PSG2: variants seen among roughly 807,000 people sequenced by gnomAD.
PSG2 encodes pregnancy specific beta-1-glycoprotein 2.
In PSG2, 49 loss-of-function variants were observed where a neutral mutation model predicts 36.2. The ratio of observed to expected loss-of-function variants is 1.35; its 90% CI spans 1.08 to 1.72. The LOEUF is 1.72. Ranked by LOEUF, PSG2 falls within the 40% of genes most tolerant of loss-of-function variation. The pLI, the probability that PSG2 is intolerant of heterozygous loss-of-function variation, is 0.00. For synonymous variants in PSG2, 261 were observed against 155.6 expected, an observed-to-expected ratio of 1.68 and a Z score of -5.04; for missense variants, 605 against 407.2, an observed-to-expected ratio of 1.49 and a Z score of -4.18.
rs577256469 is a variant in PSG2 at position 43,079,377 on chromosome 19, A to G, written c.430+1504T>C. On this transcript the variant is annotated intron_variant, in intron 2 of 5. Coordinates refer to ENST00000406487, the MANE Select transcript of PSG2 (RefSeq NM_031246.4). ...GCAAGAGGTAGTGGGGGGATGAAAC[A>G]TGGGTGTCAGCTTCTGAAGGACAAG... 1.0e-3 allele frequency among the ~76,000 whole-genome samples: 151 copies of G among 151,484 alleles called. 2 individuals carry two copies. The highest frequency in any genetic ancestry group is 3.4e-3 in the African/African-American group (138 of 40,978).
intron 3 of PSG2, among the ~76,000 whole-genome samples, chr19:43,074,897 G>A (rs1222053101): frequency 1.4e-5 from 2 of 146,740 alleles, no homozygotes; most frequent in Admixed American, 6.7e-5. Flanking sequence ...AGAGCTTGGG[G>A]ACTTCCCTTG....
chr19:43,070,692 A>G lies in PSG2; in HGVS notation c.964+1008T>C, dbSNP rs951200615. 9.2e-4 allele frequency among the ~76,000 whole-genome samples: 140 copies of G among 151,802 alleles called. 3 individuals carry two copies. Among genetic ancestry groups the G allele is most frequent in the African/African-American group, 3.4e-3 (139 of 41,218 alleles). On this transcript the variant is annotated intron_variant, in intron 4 of 5. Transcript: ENST00000406487. ...TAGAATGGTGGGTGCTAAGGGTTCG[A>G]GGGAGAAGGAGTGAGAGTTACTGTT... is the stretch of plus-strand genomic sequence containing the variant.
chr19:43,077,004 A>T (rs1292911681), intron 2 of PSG2, among the ~76,000 whole-genome samples: 1 of 151,502 alleles, frequency 6.6e-6, no homozygotes, highest in South Asian at 2.1e-4. Context: ...CTCAATTCGT[A>T]ATACTGTAAT....
intron 2 of PSG2, among the ~76,000 whole-genome samples, chr19:43,078,719 C>T (rs1308969440): frequency 1.3e-5 from 2 of 151,724 alleles, no homozygotes; most frequent in Admixed American, 6.6e-5. Context: ...TAATAAACCT[C>T]TGTCCTCCTG....
At chr19:43,068,957 T>G (rs997474930) in intron 4 of PSG2, among the ~76,000 whole-genome samples, 7 of 151,630 alleles carry the variant, frequency 4.6e-5, no homozygotes, top group African/African-American at 1.7e-4. Flanking sequence ...AACTTATATG[T>G]AGAAAATCCT....
At chr19:43,072,335 G>C in intron 3 of PSG2, 4 of 1,611,572 alleles carry the variant, frequency 2.5e-6, no homozygotes, top group Non-Finnish European at 3.4e-6. Flanking sequence ...CTGGCCCACA[G>C]AGGAACAAAA....
At chr19:43,077,240 C>T (rs1187652567) in intron 2 of PSG2, among the ~76,000 whole-genome samples, 2 of 151,490 alleles carry the variant, frequency 1.3e-5, no homozygotes, top group Admixed American at 6.6e-5. Flanking sequence ...AAGAAAGATG[C>T]CAAAGGTGAT....
In PSG2 at chr19:43,072,619, G is replaced by C. The variant is rs572936371; in HGVS notation, c.710-665C>G. 6 of 1,611,458 alleles carry C rather than the reference G, an allele frequency of 3.7e-6. No individual in the cohort carries two copies. In the East Asian group the frequency reaches 1.3e-4, roughly 36 times the overall value. ...AGTTGTTGATGGTGATTTAGGGCTT[G>C]GGCAGCTTCGCTGTGTGGATAACAG... On this transcript the variant is annotated intron_variant, in intron 3 of 5. Transcript: ENST00000406487.
intron 2 of PSG2, among the ~76,000 whole-genome samples, chr19:43,076,703 G>A (rs1269778287): frequency 1.3e-5 from 2 of 151,652 alleles, no homozygotes; most frequent in Non-Finnish European, 1.5e-5. Context: ...CTGTGGGTGT[G>A]CGGTTCCAGT....
intron 4 of PSG2, among the ~76,000 whole-genome samples, chr19:43,069,193 G>T (rs933213715): frequency 5.3e-5 from 8 of 150,506 alleles, no homozygotes; most frequent in South Asian, 2.1e-4. Context: ...TACAAAATAT[G>T]GCTGAAAGAA....
At chr19:43,069,467 A>C (rs1454853269) in intron 4 of PSG2, among the ~76,000 whole-genome samples, 1 of 151,774 alleles carries the variant, frequency 6.6e-6, no homozygotes, top group Admixed American at 6.6e-5. Flanking sequence ...ATTTACTACA[A>C]AGCCCCAGTA....
In PSG2 at chr19:43,081,086, G is replaced by C; in HGVS notation, c.225C>G (p.Leu75=). ...YIWYKGQIRD[L]YHYITSYVVD... is the part of the protein sequence containing the mutation. ...CTACATATGATGTAATGTAATGGTA[G>C]AGGTCCCTGATTTGCCCTTTGTACC... is the stretch of plus-strand genomic sequence containing the variant. Residue 75 remains leucine (L), a synonymous_variant, in exon 2 of 6, where the codon CTC becomes CTG. Transcript: ENST00000406487. 3 of 1,612,816 alleles carry C rather than the reference G, an allele frequency of 1.9e-6. No homozygotes were observed. The highest frequency in any genetic ancestry group is 2.5e-6 in the Non-Finnish European group (3 of 1,179,678).
At chr19:43,076,803 A>G (rs935846809) in intron 2 of PSG2, among the ~76,000 whole-genome samples, 9 of 147,544 alleles carry the variant, frequency 6.1e-5, no homozygotes, top group African/African-American at 2.4e-4. Flanking sequence ...AGAAAGCTTA[A>G]AACAAAGTGT....
In PSG2 at chr19:43,071,708, T is replaced by C. The variant is rs1476600898; in HGVS notation, c.956A>G (p.Lys319Arg). 1 of 1,612,862 alleles carries C rather than the reference T, an allele frequency of 6.2e-7. No individual in the cohort carries two copies. Among genetic ancestry groups the C allele is most frequent in the East Asian group, 2.2e-5 (1 of 44,892 alleles). ...GEESSTSLTV[K>R]VSASTRIGLL... ...TGCTGGGATCCACTTACCAGAGACT[T>C]TGACTGTCAACGATGTGGAGCTTTC... The change falls in exon 4 of 6, where the codon AAA becomes AGA. Residue 319 changes from lysine (K) to arginine (R), a missense_variant. Transcript: ENST00000406487.
At chr19:43,066,700 T>TG (rs1967744314) in intron 4 of PSG2, 100 bp from the exon 5 acceptor site, 2 of 1,409,482 alleles carry the variant, frequency 1.4e-6, no homozygotes, top group South Asian at 2.4e-5. Context: ...CTATAATTGT[T>TG]TCTTCAAGGA....
In PSG2 at chr19:43,079,682, A is replaced by C. The variant is rs910833735; in HGVS notation, c.430+1199T>G. Among the ~76,000 whole-genome samples, 4 of 151,574 alleles carry C rather than the reference A, an allele frequency of 2.6e-5. 1 individual carries two copies. The highest frequency in any genetic ancestry group is 4.9e-5 in the African/African-American group (2 of 41,024). ...TAAGATCTGAGAGGGAGGCCTGCTC[A>C]TGTTTTTTGCACTGATTCTGACAGT... is the stretch of plus-strand genomic sequence containing the variant. On this transcript the variant is annotated intron_variant, in intron 2 of 5. Coordinates refer to ENST00000406487, the MANE Select transcript of PSG2 (RefSeq NM_031246.4).
At chr19:43,080,475 A>G (rs1189880532) in intron 2 of PSG2, among the ~76,000 whole-genome samples, 1 of 151,764 alleles carries the variant, frequency 6.6e-6, no homozygotes. Flanking sequence ...GCAAGGATTT[A>G]GGGACAGGGT....
Position 43,072,526 on chromosome 19 carries a change from G to T in PSG2, c.710-572C>A, listed in dbSNP as rs1410419412. ...GGCTCTGACCATTTAGCCACCAAAT[G>T]TAGGTGTAGCTCTCACTCTTAGGTT... On this transcript the variant is annotated intron_variant, in intron 3 of 5. Coordinates refer to ENST00000406487, the MANE Select transcript of PSG2 (RefSeq NM_031246.4). 3.7e-6 allele frequency: 6 copies of T among 1,611,258 alleles called. No homozygotes were observed. The East Asian group carries it at 1.3e-4, about 36-fold the overall frequency.
rs1257032179 is a variant in PSG2 at position 43,075,439 on chromosome 19, T to C, written c.624A>G (p.Thr208=). The C allele has an allele frequency of 6.2e-7, 1 of 1,613,220 alleles. No homozygotes were observed. The highest frequency in any genetic ancestry group is 8.5e-7 in the Non-Finnish European group (1 of 1,179,670). Reference sequence around the variant, plus strand: ...ATTCATAGGGTCCTGCAGTATACTTTGTGACACCAAATAGAAAGAGGGTCC... The same window carrying C: ...ATTCATAGGGTCCTGCAGTATACTTCGTGACACCAAATAGAAAGAGGGTCC... ...TNRTLFLFGV[T]KYTAGPYECE... is the part of the protein sequence containing the mutation. The change falls in exon 3 of 6, where the codon ACA becomes ACG. Residue 208 remains threonine (T), a synonymous_variant. Transcript: ENST00000406487.
Sources: allele counts gnomAD v4.1 joint callset (sites outside exome capture counted in the v4.1 genomes callset), GRCh38; gene constraint gnomAD v4.1.1; transcripts MANE v1.5; gene names NCBI Gene and HGNC (gene_info 2026-07-23, HGNC 2026-07-21).